ZNF764: variants seen among roughly 807,000 people sequenced by gnomAD.
ZNF764 encodes zinc finger protein 764.
In ZNF764, 10 loss-of-function variants were observed where a neutral mutation model predicts 13.9. The ratio of observed to expected loss-of-function variants is 0.72; its 90% CI spans 0.44 to 1.22. The LOEUF (loss-of-function observed/expected upper bound fraction) is 1.22. Among genes scored for constraint, ZNF764 ranks in the 50% most tolerant of loss-of-function variants. ZNF764 has a pLI of 0.00. For synonymous variants in ZNF764, 313 were observed against 255.1 expected (o/e 1.23, Z -2.16); for missense variants, 647 against 589.7 (o/e 1.10, Z -1.01).
At position 30,558,111 on chromosome 16, in the gene ZNF764, C is replaced by A. The variant is rs945425632; in HGVS notation, c.72G>T (p.Gly24=). 6.2e-7 allele frequency: 1 copy of A among 1,609,530 alleles called. No individual in the cohort carries two copies. The highest frequency in any genetic ancestry group is 8.5e-7 in the Non-Finnish European group (1 of 1,179,016). The change falls in exon 1 of 3, where the codon GGG becomes GGT. Residue 24 remains glycine, a synonymous_variant. Coordinates refer to ENST00000395091, the MANE Select transcript of ZNF764 (RefSeq NM_001172679.2). ...NGAGPEWREP[G]AVSFADVAVY... is the part of the protein sequence containing the mutation. ...CGGCCACGTCCGCGAAGCTCACAGC[C>A]CCCGGCTCCCTCCACTCGGGTCCGG...
chr16:30,557,932 G>A lies in ZNF764; in HGVS notation c.196+55C>T, dbSNP rs778902495. The A allele has an allele frequency of 5.1e-6, 8 of 1,572,054 alleles. No individual in the cohort carries two copies. The East Asian group carries it at 9.5e-5, about 19-fold the overall frequency. On this transcript the variant is annotated intron_variant, in intron 1 of 2. Coordinates refer to ENST00000395091, the MANE Select transcript of ZNF764 (RefSeq NM_001172679.2). ...CCCAACTTCACGCGCAGCTCCCAGA[G>A]GCGCGGCAGGGCCTGTGGGGGCGCA...
At position 30,558,227 on chromosome 16, in the gene ZNF764, T is replaced by A. The variant is rs529811136; in HGVS notation, c.-45A>T. On this transcript the variant is annotated 5_prime_UTR_variant, in exon 1 of 3. Transcript: ENST00000395091. ...GACGGATCGGCTGCCTCCCCTGGCC[T>A]GGCCTGGGCCTGCGGAACCTCCTGC... is the stretch of plus-strand genomic sequence containing the variant. 2.7e-6 allele frequency: 4 copies of A among 1,496,224 alleles called. No homozygotes were observed. In the East Asian group the frequency reaches 9.4e-5, roughly 35 times the overall value. The allele number at this position is 1,496,224 out of a possible 1,614,324, so 92.7% of individuals were successfully genotyped here.
At position 30,555,655 on chromosome 16, in the gene ZNF764, C is replaced by T. The variant is rs866170437; in HGVS notation, c.763G>A (p.Glu255Lys). The T allele has an allele frequency of 9.7e-6, 15 of 1,544,224 alleles. No homozygotes were observed. Among genetic ancestry groups the T allele is most frequent in the Non-Finnish European group, 1.3e-5 (15 of 1,149,180 alleles). ...LTSHLRVHTG[E>K]KPYGCADCGR... ...CAGTCGGCGCAGCCATAGGGTTTCT[C>T]GCCGGTGTGGACGCGCAGGTGCGAA... Residue 255 changes from glutamate (E) to lysine (K), a missense_variant, in exon 3 of 3, where the codon GAG (glutamate) becomes AAG (lysine). By Grantham distance (56) the Glu-to-Lys change is moderately conservative (BLOSUM62 1). Transcript: ENST00000395091.
chr16:30,555,798 C>T lies in ZNF764; in HGVS notation c.620G>A (p.Cys207Tyr), dbSNP rs781194698. 6.2e-7 allele frequency: 1 copy of T among 1,610,920 alleles called. No individual in the cohort carries two copies. The highest frequency in any genetic ancestry group is 8.5e-7 in the Non-Finnish European group (1 of 1,179,842). Residue 207 changes from cysteine (C) to tyrosine (Y), a missense_variant, in exon 3 of 3, where the codon TGC (cysteine) becomes TAC (tyrosine). Coordinates refer to ENST00000395091, the MANE Select transcript of ZNF764 (RefSeq NM_001172679.2). ...GGAAGCGTGGCCGAAGCCCTTGCCGCAGTCAGTGCAGTGGAAGGGCTTCTC... is the reference window on the plus strand; with the variant it reads ...GGAAGCGTGGCCGAAGCCCTTGCCGTAGTCAGTGCAGTGGAAGGGCTTCTC... ...TGEKPFHCTDCGKGFGHASSL... is the reference protein window; with the variant it reads ...TGEKPFHCTDYGKGFGHASSL...
chr16:30,556,860 G>A lies in ZNF764; in HGVS notation c.311-753C>T, dbSNP rs554805946. On this transcript the variant is annotated intron_variant, in intron 2 of 2. Transcript: ENST00000395091. ...TACTAAAAATACAAAAAATTGGCTG[G>A]GCGCGGTGGCTCACGCCTGTAATCC... Among the ~76,000 whole-genome samples the A allele has an allele frequency of 2.0e-4, 30 of 152,346 alleles. No homozygotes were observed. The South Asian group carries it at 6.0e-3, about 30-fold the overall frequency.
In ZNF764 at chr16:30,555,397, G is replaced by C; in HGVS notation, c.1021C>G (p.Pro341Ala). Residue 341 changes from proline to alanine, a missense_variant, in exon 3 of 3, where the codon CCC becomes GCC. Physicochemically the swap from Pro to Ala is conservative, Grantham distance 27. Coordinates refer to ENST00000395091, the MANE Select transcript of ZNF764 (RefSeq NM_001172679.2). ...AHRRTHSGEKPYPCPQCGRRF... is the reference protein window; with the variant it reads ...AHRRTHSGEKAYPCPQCGRRF... The stretch of plus-strand genomic sequence containing the variant: ...CGGCCGCACTGCGGGCAGGGGTAGG[G>C]CTTCTCGCCGCTGTGGGTGCGCCTG... 4 of 1,565,758 alleles carry C rather than the reference G, an allele frequency of 2.6e-6. No individual in the cohort carries two copies. Among genetic ancestry groups the C allele is most frequent in the Non-Finnish European group, 3.5e-6 (4 of 1,151,878 alleles).
chr16:30,555,581 C>G lies in ZNF764; in HGVS notation c.837G>C (p.Val279=). 1.9e-6 allele frequency: 3 copies of G among 1,539,334 alleles called. No homozygotes were observed. The highest frequency in any genetic ancestry group is 2.6e-6 in the Non-Finnish European group (3 of 1,148,054). ...AGGGGAAGGGGGTCTCGCCGCTGTG[C>G]ACGCGCCGGTGCTGGTAGAGGGCAG... ...QSSALYQHRR[V]HSGETPFPCP... is the part of the protein sequence containing the mutation. Residue 279 remains valine (V), a synonymous_variant, in exon 3 of 3, where the codon GTG becomes GTC. Coordinates refer to ENST00000395091, the MANE Select transcript of ZNF764 (RefSeq NM_001172679.2).
Position 30,556,628 on chromosome 16 carries a change from T to C in ZNF764, c.311-521A>G, listed in dbSNP as rs1018356823. 6.9e-5 allele frequency among the ~76,000 whole-genome samples: 10 copies of C among 144,224 alleles called. No individual in the cohort carries two copies. In the East Asian group the frequency reaches 8.2e-4, roughly 12 times the overall value. The allele number at this position is 144,224 out of a possible 152,430, so 94.6% of individuals were successfully genotyped here. ...GCGGTAATCCCAGCGCTTTGGGAGG[T>C]AGAGAAGGAGGATCAGCCTAGGATT... On this transcript the variant is annotated intron_variant, in intron 2 of 2. Coordinates refer to ENST00000395091, the MANE Select transcript of ZNF764 (RefSeq NM_001172679.2).
In ZNF764 at chr16:30,558,348, G is replaced by T; in HGVS notation, c.-166C>A. 1 of 733,594 alleles carries T rather than the reference G, an allele frequency of 1.4e-6. No individual in the cohort carries two copies. Among genetic ancestry groups the T allele is most frequent in the Non-Finnish European group, 2.2e-6 (1 of 460,660 alleles). 45.4% of individuals were successfully genotyped at this position (733,594 alleles called of 1,614,324 possible). A position where few individuals can be genotyped will look rare whatever the true frequency, so the allele number is the denominator to read the frequency against. On this transcript the variant is annotated 5_prime_UTR_variant, in exon 1 of 3. Transcript: ENST00000395091. ...AGAGGGCGTGGAAACTAACGGTGCC[G>T]ATGGCAGCGGGTGTATAATCAGAAA...
intron 2 of ZNF764, 79 bp from the exon 3 acceptor site, chr16:30,556,186 C>A: frequency 9.1e-6 from 14 of 1,545,164 alleles, no homozygotes; most frequent in Non-Finnish European, 1.2e-5. Flanking sequence ...TGGACAGGGA[C>A]AGGCCTGCTG....
In ZNF764 at chr16:30,555,878, C is replaced by T. The variant is rs534699431; in HGVS notation, c.540G>A (p.Gly180=). 98 of 1,612,298 alleles carry T rather than the reference C, an allele frequency of 6.1e-5. No homozygotes were observed. In the East Asian group the frequency reaches 1.6e-3, roughly 26 times the overall value. Residue 180 remains glycine, a synonymous_variant, in exon 3 of 3, where the codon GGG becomes GGA. Coordinates refer to ENST00000395091, the MANE Select transcript of ZNF764 (RefSeq NM_001172679.2). ...ADQRHGCYVC[G]KSFAWRSTLV... The stretch of plus-strand genomic sequence containing the variant: ...GTGTGGAGCGCCAGGCAAAGCTCTT[C>T]CCGCACACGTAGCAGCCATGACGCT...
chr16:30,557,926 C>G (rs1342371614), intron 1 of ZNF764, 61 bp downstream of exon 1: 10 of 1,572,024 alleles, frequency 6.4e-6, no homozygotes, highest in Non-Finnish European at 8.6e-6. Context: ...ACGCGCAGCT[C>G]CCAGAGGCGC....
In ZNF764 at chr16:30,557,851, G is replaced by T; in HGVS notation, c.197-5C>A. 6.2e-7 allele frequency: 1 copy of T among 1,600,088 alleles called. No homozygotes were observed. The highest frequency in any genetic ancestry group is 2.3e-5 in the East Asian group (1 of 44,084). On this transcript the variant is annotated splice_region_variant and splice_polypyrimidine_tract_variant and intron_variant, in intron 1 of 2. Coordinates refer to ENST00000395091, the MANE Select transcript of ZNF764 (RefSeq NM_001172679.2). ...CTGGCTTGTTGCCTCCGATTCCTAG[G>T]GAAGAAGAACGCAAACCCCACGCTG...
chr16:30,558,256 C>G lies in ZNF764; in HGVS notation c.-74G>C, dbSNP rs1011066247. ...CTGGGCCTGCGGAACCTCCTGCGCC[C>G]GAGAAAGCCTCCCCGGCCCGGGCCC... On this transcript the variant is annotated 5_prime_UTR_variant, in exon 1 of 3. Coordinates refer to ENST00000395091, the MANE Select transcript of ZNF764 (RefSeq NM_001172679.2). 13 of 1,436,734 alleles carry G rather than the reference C, an allele frequency of 9.0e-6. No individual in the cohort carries two copies. The highest frequency in any genetic ancestry group is 1.4e-5 in the African/African-American group (1 of 69,916). 89.0% of individuals were successfully genotyped at this position (1,436,734 alleles called of 1,614,324 possible).
At chr16:30,557,518 G>C (rs1350429536) in intron 2 of ZNF764, among the ~76,000 whole-genome samples, 1 of 152,208 alleles carries the variant, frequency 6.6e-6, no homozygotes, top group Non-Finnish European at 1.5e-5. Context: ...ACGCAGAGGT[G>C]AGGACTCAGA....
intron 1 of ZNF764, 58 bp from the exon 2 acceptor site, chr16:30,557,904 G>C (rs977331676): frequency 1.9e-6 from 3 of 1,571,614 alleles, no homozygotes; most frequent in African/African-American, 2.7e-5. Context: ...CGGCCCCGGG[G>C]CCCCCAACTT....
Position 30,558,196 on chromosome 16 carries a change from C to T in ZNF764, c.-14G>A. 6.4e-7 allele frequency: 1 copy of T among 1,563,474 alleles called. No homozygotes were observed. The highest frequency in any genetic ancestry group is 8.6e-7 in the Non-Finnish European group (1 of 1,162,118). On this transcript the variant is annotated 5_prime_UTR_variant, in exon 1 of 3. Coordinates refer to ENST00000395091, the MANE Select transcript of ZNF764 (RefSeq NM_001172679.2). ...AGGCGGCGCCATGGTAACTGTCAAC[C>T]CCGACGACGGATCGGCTGCCTCCCC... is the stretch of plus-strand genomic sequence containing the variant.
At position 30,555,805 on chromosome 16, in the gene ZNF764, T is replaced by C. The variant is rs777470491; in HGVS notation, c.613A>G (p.Thr205Ala). Residue 205 changes from threonine (T) to alanine (A), a missense_variant, in exon 3 of 3, where the codon ACT becomes GCT. Physicochemically the swap from Thr to Ala is moderately conservative, Grantham distance 58. Transcript: ENST00000395091. ...SHTGEKPFHCTDCGKGFGHAS... is the reference protein window; with the variant it reads ...SHTGEKPFHCADCGKGFGHAS... ...TGGCCGAAGCCCTTGCCGCAGTCAGTGCAGTGGAAGGGCTTCTCGCCAGTG... is the reference window on the plus strand; with the variant it reads ...TGGCCGAAGCCCTTGCCGCAGTCAGCGCAGTGGAAGGGCTTCTCGCCAGTG... 16 of 1,610,246 alleles carry C rather than the reference T, an allele frequency of 9.9e-6. No homozygotes were observed. In the East Asian group the frequency reaches 1.8e-4, roughly 18 times the overall value.
In ZNF764 at chr16:30,555,868, C is replaced by CA; in HGVS notation, c.549dup (p.Ala184CysfsTer23). On this transcript the variant is annotated frameshift_variant, in exon 3 of 3. Coordinates refer to ENST00000395091, the MANE Select transcript of ZNF764 (RefSeq NM_001172679.2). LOFTEE classifies it low-confidence loss of function (END_TRUNC). The stretch of plus-strand genomic sequence containing the variant: ...TGCTCCACCAGTGTGGAGCGCCAGG[C>CA]AAAGCTCTTCCCGCACACGTAGCAG... The CA allele has an allele frequency of 6.2e-7, 1 of 1,612,026 alleles. No individual in the cohort carries two copies. Among genetic ancestry groups the CA allele is most frequent in the Non-Finnish European group, 8.5e-7 (1 of 1,179,476 alleles).
Sources: gnomAD v4.1 joint callset for allele counts (sites outside exome capture counted in the v4.1 genomes callset) on GRCh38, gnomAD v4.1.1 for gene constraint, MANE v1.5 for transcripts, NCBI Gene and HGNC (gene_info 2026-07-23, HGNC 2026-07-21) for gene names.